Variants in CHI3L2 observed in about 807,000 individuals in gnomAD.
CHI3L2 encodes chitinase 3 like 2, also known as chitinase-3-like protein 2.
In CHI3L2, 47 loss-of-function variants were observed where a neutral mutation model predicts 47.3. The ratio of observed to expected loss-of-function variants is 0.99; its 90% CI spans 0.79 to 1.27. The LOEUF is 1.27. CHI3L2 is among the 50% of genes most tolerant of loss of function. The pLI, the probability that CHI3L2 is intolerant of heterozygous loss-of-function variation, is 0.00. For synonymous variants in CHI3L2, 198 were observed against 169.9 expected (o/e 1.17, Z -1.28); for missense variants, 497 against 462.1 (o/e 1.08, Z -0.69).
intron 7 of CHI3L2, among the ~76,000 whole-genome samples, chr1:111,236,429 C>T (rs1659890418): frequency 6.7e-6 from 1 of 149,012 alleles, no homozygotes; most frequent in Non-Finnish European, 1.5e-5. Flanking sequence ...TCTGGATTCT[C>T]CATCTTTCAT....
chr1:111,227,859 G>A, intron 1 of CHI3L2, 90 bp downstream of exon 1: 1 of 1,307,090 alleles, frequency 7.7e-7, no homozygotes. Flanking sequence ...CTCCTTTCCT[G>A]GGACTTCAGT....
At chr1:111,239,029 G>A (rs1015082227) in intron 8 of CHI3L2, 97 bp downstream of exon 8, 38 of 1,233,916 alleles carry the variant, frequency 3.1e-5, no homozygotes, top group Middle Eastern at 2.9e-4. Context: ...TGAGTGTTGC[G>A]AAGGGGAAAG....
chr1:111,235,973 T>G, intron 6 of CHI3L2, 51 bp from the exon 7 acceptor site: 1 of 1,606,018 alleles, frequency 6.2e-7, no homozygotes, highest in Non-Finnish European at 8.5e-7. Context: ...CTTACAATTG[T>G]TTCTACCACT....
At position 111,234,971 on chromosome 1, in the gene CHI3L2, C is replaced by T. The variant is rs2101550382; in HGVS notation, c.394C>T (p.Leu132=). 1 of 1,614,158 alleles carries T rather than the reference C, an allele frequency of 6.2e-7. No individual in the cohort carries two copies. Among genetic ancestry groups the T allele is most frequent in the Non-Finnish European group, 8.5e-7 (1 of 1,180,004 alleles). The change falls in exon 5 of 11, where the codon CTG becomes TTG. Residue 132 remains leucine (L), a synonymous_variant. Coordinates refer to ENST00000369748, the MANE Select transcript of CHI3L2 (RefSeq NM_004000.3). ...ATTCATTAACTCCATAATCCTGTTT[C>T]TGAGGAACCATAACTTTGATGGACT... ...LEFINSIILF[L]RNHNFDGLDV...
chr1:111,233,925 G>A (rs578015973), intron 4 of CHI3L2, among the ~76,000 whole-genome samples: 24 of 152,138 alleles, frequency 1.6e-4, no homozygotes, highest in Non-Finnish European at 3.4e-4. Context: ...CATGTGCTGT[G>A]TCCACTCAGG....
At chr1:111,228,281 A>G (rs994278939) in intron 1 of CHI3L2, among the ~76,000 whole-genome samples, 3 of 152,170 alleles carry the variant, frequency 2.0e-5, no homozygotes, top group African/African-American at 7.2e-5. Flanking sequence ...AGTGGGGATG[A>G]GGCTAAATAA....
chr1:111,229,553 G>A (rs1314898741), intron 1 of CHI3L2: 1 of 210,374 alleles, frequency 4.8e-6, no homozygotes, highest in African/African-American at 2.4e-5. Flanking sequence ...GTAGTGGCGG[G>A]CGCCTGTAGT....
chr1:111,242,343 G>T lies in CHI3L2; in HGVS notation c.1152G>T (p.Lys384Asn), dbSNP rs1239464290. 1 of 1,611,088 alleles carries T rather than the reference G, an allele frequency of 6.2e-7. No individual in the cohort carries two copies. Among genetic ancestry groups the T allele is most frequent in the African/African-American group, 1.3e-5 (1 of 74,890 alleles). Residue 384 changes from lysine (K) to asparagine (N), a missense_variant, in exon 10 of 11, where the codon AAG becomes AAT. By Grantham distance (94) the Lys-to-Asn change is moderately conservative. Transcript: ENST00000369748. ...QGPYPLVQAV[K>N]RSLGSL ...CTTACCCTCTTGTCCAAGCAGTCAA[G>T]AGAAGCCTTGGCTCCCTGTGAAGGT... is the stretch of plus-strand genomic sequence containing the variant.
At chr1:111,242,540 A>G (rs918050274) in intron 10 of CHI3L2, 174 bp downstream of exon 10, 11 of 507,650 alleles carry the variant, frequency 2.2e-5, no homozygotes, top group African/African-American at 1.6e-4. Context: ...TAGGCTTCCC[A>G]TAGACTTTTA....
rs1659958857 is a variant in CHI3L2, at chr1:111,238,772, T to C, written c.758T>C (p.Ile253Thr). Residue 253 changes from isoleucine to threonine, a missense_variant, in exon 8 of 11, where the codon ATA (isoleucine) becomes ACA (threonine). By Grantham distance (89) the Ile-to-Thr change is moderately conservative (BLOSUM62 -1). Transcript: ENST00000369748. ...TAGGAATATGCTGTGGGGTACTGGATACATAAGGGAATGCCATCAGAGAAG... is the reference window on the plus strand; with the variant it reads ...TAGGAATATGCTGTGGGGTACTGGACACATAAGGGAATGCCATCAGAGAAG... ...YNVEYAVGYW[I>T]HKGMPSEKVV... 2.5e-6 allele frequency: 4 copies of C among 1,614,002 alleles called. No individual in the cohort carries two copies. Among genetic ancestry groups the C allele is most frequent in the Non-Finnish European group, 3.4e-6 (4 of 1,179,918 alleles).
chr1:111,241,113 C>G (rs941777876), intron 8 of CHI3L2, among the ~76,000 whole-genome samples: 1 of 152,174 alleles, frequency 6.6e-6, no homozygotes, highest in African/African-American at 2.4e-5. Flanking sequence ...TGTGTCTCCT[C>G]CTGATGAGAC....
chr1:111,238,609 C>A (rs1659953371), intron 7 of CHI3L2, 141 bp from the exon 8 acceptor site: 1 of 759,114 alleles, frequency 1.3e-6, no homozygotes, highest in African/African-American at 1.8e-5. Context: ...GCACTCTGGT[C>A]CGGGGGGTCT....
At chr1:111,242,392 G>A (rs767693070) in intron 10 of CHI3L2, 26 bp downstream of exon 10, 1 of 1,575,010 alleles carries the variant, frequency 6.3e-7, no homozygotes. Context: ...GGAGCTGGGA[G>A]TGGGCAGACA....
intron 4 of CHI3L2, among the ~76,000 whole-genome samples, chr1:111,234,113 T>C (rs1571226139): frequency 6.7e-6 from 1 of 150,354 alleles, no homozygotes; most frequent in East Asian, 2.0e-4. Flanking sequence ...CTTGTTTATC[T>C]GCTGACCTTC....
intron 4 of CHI3L2, 170 bp downstream of exon 4, chr1:111,231,464 C>T (rs554959100): frequency 1.7e-6 from 1 of 573,468 alleles, no homozygotes; most frequent in East Asian, 2.9e-5. Flanking sequence ...CATTAGGTTT[C>T]CTGGGGTCTT....
chr1:111,228,832 T>C (rs767941808), intron 1 of CHI3L2, among the ~76,000 whole-genome samples: 1 of 152,170 alleles, frequency 6.6e-6, no homozygotes, highest in East Asian at 1.9e-4. Context: ...GTCTTGTCCA[T>C]TGGGCAAAGT....
chr1:111,240,303 C>T (rs1407802175), intron 8 of CHI3L2, among the ~76,000 whole-genome samples: 2 of 152,178 alleles, frequency 1.3e-5, no homozygotes, highest in Admixed American at 1.3e-4. Context: ...GAATGATTGG[C>T]ACATCATCAA....
chr1:111,231,493 G>A (rs1413136381), intron 4 of CHI3L2, 199 bp downstream of exon 4: 1 of 536,348 alleles, frequency 1.9e-6, no homozygotes, highest in Non-Finnish European at 3.3e-6. Context: ...TTCTTCTGGA[G>A]CTTAATACAA....
Position 111,235,555 on chromosome 1 carries a change from G to A in CHI3L2, c.481-84G>A, listed in dbSNP as rs1659855004. The A allele has an allele frequency of 2.0e-6, 3 of 1,469,006 alleles. No individual in the cohort carries two copies. The East Asian group carries it at 6.9e-5, about 34-fold the overall frequency. 91.0% of individuals were successfully genotyped at this position (1,469,006 alleles called of 1,614,324 possible). A position where few individuals can be genotyped will look rare whatever the true frequency, so the allele number is the denominator to read the frequency against. On this transcript the variant is annotated intron_variant, in intron 5 of 10. Coordinates refer to ENST00000369748, the MANE Select transcript of CHI3L2 (RefSeq NM_004000.3). ...ATCCTTTCCATCTAATGTGGTTCTA[G>A]AAACCTCATAGATTCCAGGCAAGAA...
Sources: gnomAD v4.1 joint callset for allele counts (sites outside exome capture counted in the v4.1 genomes callset) on GRCh38, gnomAD v4.1.1 for gene constraint, MANE v1.5 for transcripts, NCBI Gene and HGNC (gene_info 2026-07-23, HGNC 2026-07-21) for gene names.